PKP4: variants seen among roughly 807,000 people sequenced by gnomAD.
PKP4 encodes plakophilin 4.
In PKP4, 90 loss-of-function variants were observed where a neutral mutation model predicts 145.1. That is an observed-to-expected ratio of 0.62 (90% CI 0.52 to 0.74). PKP4 has a LOEUF of 0.74. PKP4 is among the 30% of genes least tolerant of loss of function. The pLI, the probability that PKP4 is intolerant of heterozygous loss-of-function variation, is 0.00. For missense variants in PKP4, 1,340 were observed against 1,482.7 expected, an observed-to-expected ratio of 0.90 and a Z score of 1.58; for synonymous variants, 563 against 577.2, an observed-to-expected ratio of 0.98 and a Z score of 0.35.
chr2:158,657,905 C>A (rs1182654828), intron 11 of PKP4, among the ~76,000 whole-genome samples: 1 of 152,084 alleles, frequency 6.6e-6, no homozygotes, highest in African/African-American at 2.4e-5. Flanking sequence ...AATATTCACC[C>A]TCTAAAATCC....
intron 2 of PKP4, among the ~76,000 whole-genome samples, chr2:158,536,761 G>T (rs2044084334): frequency 6.6e-6 from 1 of 152,120 alleles, no homozygotes; most frequent in Non-Finnish European, 1.5e-5. Context: ...TACCTGCGAA[G>T]GTACAGAAAA....
intron 11 of PKP4, among the ~76,000 whole-genome samples, chr2:158,651,940 A>G (rs2055404451): frequency 6.6e-6 from 1 of 152,028 alleles, no homozygotes; most frequent in Admixed American, 6.6e-5. Flanking sequence ...CTGGTGGTGT[A>G]ACTGTTTGTG....
At chr2:158,676,167 T>C (rs572223212) in intron 19 of PKP4, among the ~76,000 whole-genome samples, 1 of 152,284 alleles carries the variant, frequency 6.6e-6, no homozygotes, top group African/African-American at 2.4e-5. Context: ...AATTGTTTCC[T>C]TGATCACCAT....
Position 158,603,026 on chromosome 2 carries a change from A to ACC in PKP4, c.246-43_246-42insCC, listed in dbSNP as rs780026763. On this transcript the variant is annotated intron_variant, in intron 3 of 21. Transcript: ENST00000389759. ...AACAGGTCCTAAGCTAAATTTTATGACAAAATAAATAAATGTTCCATTTTT... is the reference window on the plus strand; with the variant it reads ...AACAGGTCCTAAGCTAAATTTTATGACCCAAAATAAATAAATGTTCCATTTTT... 86 of 1,258,624 alleles carry ACC rather than the reference A, an allele frequency of 6.8e-5. No homozygotes were observed. In the African/African-American group the frequency reaches 1.2e-3, roughly 18 times the overall value. The allele number at this position is 1,258,624 out of a possible 1,614,324, so 78.0% of individuals were successfully genotyped here.
At chr2:158,555,763 G>C (rs538001179) in intron 2 of PKP4, among the ~76,000 whole-genome samples, 8 of 152,258 alleles carry the variant, frequency 5.3e-5, no homozygotes, top group African/African-American at 1.9e-4. Flanking sequence ...ATAATTCGTA[G>C]GGTGGCTGAC....
chr2:158,523,171 G>A (rs1227663242), intron 1 of PKP4, among the ~76,000 whole-genome samples: 2 of 151,276 alleles, frequency 1.3e-5, no homozygotes, highest in African/African-American at 4.8e-5. Context: ...CTCCACCTCT[G>A]GGGGCAGGGC....
chr2:158,669,609 G>T, intron 16 of PKP4, 111 bp from the exon 17 acceptor site: 4 of 798,892 alleles, frequency 5.0e-6, no homozygotes, highest in African/African-American at 3.5e-5. Context: ...CCCTATTATT[G>T]TCTCTTTGGG....
At chr2:158,584,840 T>G (rs2048661085) in intron 3 of PKP4, among the ~76,000 whole-genome samples, 1 of 152,214 alleles carries the variant, frequency 6.6e-6, no homozygotes, top group Admixed American at 6.5e-5. Context: ...TCCCAGAAAC[T>G]CATCTTGGTT....
chr2:158,549,535 T>G (rs983169997), intron 2 of PKP4, among the ~76,000 whole-genome samples: 5 of 152,090 alleles, frequency 3.3e-5, no homozygotes, highest in Admixed American at 6.5e-5. Context: ...TCCCCACCCT[T>G]TGCTATTCCA....
chr2:158,595,759 T>G (rs1204241014), intron 3 of PKP4, among the ~76,000 whole-genome samples: 2 of 152,192 alleles, frequency 1.3e-5, no homozygotes, highest in African/African-American at 4.8e-5. Flanking sequence ...TGTTTTAAAT[T>G]TATCCTGTAA....
At chr2:158,572,486 C>T (rs1034616773) in intron 2 of PKP4, among the ~76,000 whole-genome samples, 1 of 152,214 alleles carries the variant, frequency 6.6e-6, no homozygotes, top group African/African-American at 2.4e-5. Flanking sequence ...CTGAAGATAT[C>T]TGGCAAATCT....
At chr2:158,483,012 T>A (rs979825973) in intron 1 of PKP4, among the ~76,000 whole-genome samples, 5 of 152,194 alleles carry the variant, frequency 3.3e-5, no homozygotes, top group Non-Finnish European at 5.9e-5. Flanking sequence ...TACTGAATAT[T>A]TATGGCTAGG....
intron 1 of PKP4, among the ~76,000 whole-genome samples, chr2:158,485,750 CA>C (rs1167038728): frequency 2.0e-5 from 3 of 151,442 alleles, no homozygotes; most frequent in Non-Finnish European, 2.9e-5. Context: ...GATTCTAATA[CA>C]AAAAAAAGTG....
At chr2:158,630,913 C>T (rs2053284266) in intron 7 of PKP4, among the ~76,000 whole-genome samples, 1 of 140,034 alleles carries the variant, frequency 7.1e-6, no homozygotes, top group Non-Finnish European at 1.6e-5. Flanking sequence ...ATCCTGCTGC[C>T]AAGAGAAAGT....
In PKP4 at chr2:158,533,365, TA is replaced by T. The variant is rs777927834; in HGVS notation, c.132+55del. The T allele has an allele frequency of 1.1e-5, 17 of 1,596,042 alleles. 1 individual carries two copies. In the South Asian group the frequency reaches 1.8e-4, roughly 17 times the overall value. ...CAGTGAATTATTTCTTTAATGCCTT[TA>T]AAAAATTAATCTTTGGATATGTTTT... On this transcript the variant is annotated intron_variant, in intron 2 of 21. Transcript: ENST00000389759.
chr2:158,553,789 T>A (rs2045838056), intron 2 of PKP4, among the ~76,000 whole-genome samples: 2 of 152,318 alleles, frequency 1.3e-5, no homozygotes, highest in Admixed American at 1.3e-4. Context: ...ATAACTTATC[T>A]TTTAGCTTCA....
At chr2:158,573,854 T>G (rs1368570055) in intron 2 of PKP4, among the ~76,000 whole-genome samples, 2 of 152,224 alleles carry the variant, frequency 1.3e-5, no homozygotes, top group Non-Finnish European at 2.9e-5. Flanking sequence ...TTTATTTTCT[T>G]ATCTTGATCA....
At chr2:158,611,047 AAAC>A (rs761930035) in intron 4 of PKP4, among the ~76,000 whole-genome samples, 2 of 152,246 alleles carry the variant, frequency 1.3e-5, no homozygotes, top group Non-Finnish European at 2.9e-5. Flanking sequence ...ATCTCTACCA[AAAC>A]AACAAGTGAG....
intron 3 of PKP4, among the ~76,000 whole-genome samples, chr2:158,596,766 G>A (rs112244528): frequency 6.6e-6 from 1 of 152,280 alleles, no homozygotes; most frequent in South Asian, 2.1e-4. Context: ...CAGAGGGGGA[G>A]AAATGTCAGA....
Sources: gnomAD v4.1 joint callset for allele counts (sites outside exome capture counted in the v4.1 genomes callset) on GRCh38, gnomAD v4.1.1 for gene constraint, MANE v1.5 for transcripts, NCBI Gene and HGNC (gene_info 2026-07-23, HGNC 2026-07-21) for gene names.